CTPS2: variants seen among roughly 807,000 people sequenced by gnomAD.
CTPS2 encodes CTP synthase II.
CTPS2 carries 19 observed loss-of-function variants against 46.8 expected under a neutral mutation model. The observed-to-expected ratio is 0.41, with a 90% CI of 0.28 to 0.60. The LOEUF is 0.60. Among genes scored for constraint, CTPS2 ranks in the 20% least tolerant of loss-of-function variants. The pLI is 0.35. For missense variants in CTPS2, 286 were observed against 447.6 expected (o/e 0.64, Z 3.26); for synonymous variants, 151 against 165.2 (o/e 0.91, Z 0.66).
intron 2 of CTPS2, among the ~76,000 whole-genome samples, 160 bp from the exon 3 acceptor site, chrX:16,699,253 C>A (rs757352454): frequency 2.6e-4 from 29 of 111,163 alleles, no homozygotes; most frequent in Admixed American, 1.5e-3. Context: ...CAATTATATC[C>A]AAGAAAATGC....
rs762021540 is a variant in CTPS2, at chrX:16,631,879, T to C, written c.1393+7268A>G. On this transcript the variant is annotated intron_variant, in intron 14 of 18. Coordinates refer to ENST00000359276, the MANE Select transcript of CTPS2 (RefSeq NM_175859.3). Reference sequence around the variant, plus strand: ...CAGTTGAGAGCCACAAGCAAAACAATAAAGTTTATTTTTGGAGTCTTAAAA... The same window carrying C: ...CAGTTGAGAGCCACAAGCAAAACAACAAAGTTTATTTTTGGAGTCTTAAAA... Among the ~76,000 whole-genome samples the C allele has an allele frequency of 4.6e-4, 52 of 111,883 alleles. 1 individual carries two copies. Among genetic ancestry groups the C allele is most frequent in the African/African-American group, 1.6e-3 (48 of 30,839 alleles).
intron 14 of CTPS2, among the ~76,000 whole-genome samples, chrX:16,629,704 T>C (rs1457599027): frequency 8.9e-6 from 1 of 111,923 alleles, no homozygotes; most frequent in Non-Finnish European, 1.9e-5. Context: ...AAAAGCCATT[T>C]TTCTAGCCCC....
intron 10 of CTPS2, among the ~76,000 whole-genome samples, chrX:16,671,761 C>T (rs944826248): frequency 9.1e-6 from 1 of 110,435 alleles, no homozygotes; most frequent in African/African-American, 3.3e-5. Context: ...GCAATAAGAC[C>T]GCCTCAGCCT....
intron 13 of CTPS2, among the ~76,000 whole-genome samples, chrX:16,656,820 A>G (rs992241659): frequency 8.9e-6 from 1 of 112,099 alleles, no homozygotes; most frequent in African/African-American, 3.2e-5. Flanking sequence ...GCTGAAAATA[A>G]CTGCCTGCAA....
chrX:16,712,163 G>C lies in CTPS2; in HGVS notation c.-40+172C>G, dbSNP rs547609254. ...GTCTGCGAGCGCGGGGCTGGCGGCC[G>C]GACCCGACTCAGCGCTGGGCAGGGA... On this transcript the variant is annotated intron_variant, in intron 1 of 18. Transcript: ENST00000359276. The C allele has an allele frequency of 7.1e-5, 8 of 112,126 alleles. No individual in the cohort carries two copies. In the South Asian group the frequency reaches 2.5e-3, roughly 36 times the overall value. 9.2% of individuals were successfully genotyped at this position (112,126 alleles called of 1,213,427 possible). A position where few individuals can be genotyped will look rare whatever the true frequency, so the allele number is the denominator to read the frequency against.
At position 16,674,682 on chromosome X, in the gene CTPS2, C is replaced by CA. The variant is rs767364668; in HGVS notation, c.1094+3679dup. ...TGAAACCCCGTCTCTACTAAAAATA[C>CA]AAAAAATTAGCCGGGCGTGGTGGCA... On this transcript the variant is annotated intron_variant, in intron 10 of 18. Coordinates refer to ENST00000359276, the MANE Select transcript of CTPS2 (RefSeq NM_175859.3). Among the ~76,000 whole-genome samples the CA allele has an allele frequency of 4.8e-5, 5 of 104,917 alleles. No individual in the cohort carries two copies. In the South Asian group the frequency reaches 1.8e-3, roughly 38 times the overall value. 91.1% of individuals were successfully genotyped at this position (104,917 alleles called of 115,157 possible).
At chrX:16,611,111 G>A (rs1930234649) in intron 16 of CTPS2, among the ~76,000 whole-genome samples, 1 of 111,342 alleles carries the variant, frequency 9.0e-6, no homozygotes, top group African/African-American at 3.3e-5. Context: ...TGGGTGATGG[G>A]ATCCATACCC....
At chrX:16,680,872 C>A (rs1184681686) in intron 9 of CTPS2, among the ~76,000 whole-genome samples, 1 of 108,886 alleles carries the variant, frequency 9.2e-6, no homozygotes, top group African/African-American at 3.3e-5. Context: ...GGCAACATAG[C>A]GAGACCCCGT....
intron 14 of CTPS2, among the ~76,000 whole-genome samples, chrX:16,636,122 A>G (rs1030599136): frequency 8.0e-5 from 9 of 112,272 alleles, no homozygotes; most frequent in Middle Eastern, 4.6e-3. Context: ...GAGACAGACC[A>G]GGCATGGTGG....
At chrX:16,700,386 C>T (rs767550975) in intron 2 of CTPS2, among the ~76,000 whole-genome samples, 2 of 108,510 alleles carry the variant, frequency 1.8e-5, no homozygotes, top group South Asian at 8.1e-4. Context: ...CAAAATGCTG[C>T]GATTACAGGC....
rs746530969 is a variant in CTPS2 at position 16,709,691 on chromosome X, A to C, written c.-40+2644T>G. ...TGGTTAAACCTTGTCTCTACTAAAA[A>C]TACAAAAATTAGCCAGGCGTGGTGG... On this transcript the variant is annotated intron_variant, in intron 1 of 18. Transcript: ENST00000359276. Among the ~76,000 whole-genome samples the C allele has an allele frequency of 3.7e-5, 4 of 107,555 alleles. No homozygotes were observed. In the South Asian group the frequency reaches 1.6e-3, roughly 44 times the overall value. The allele number at this position is 107,555 out of a possible 115,157, so 93.4% of individuals were successfully genotyped here.
At chrX:16,642,295 G>A (rs982694150) in intron 13 of CTPS2, among the ~76,000 whole-genome samples, 4 of 111,828 alleles carry the variant, frequency 3.6e-5, no homozygotes, top group African/African-American at 1.3e-4. Context: ...ACATGCTAGC[G>A]TAGGAACCAG....
intron 13 of CTPS2, among the ~76,000 whole-genome samples, chrX:16,646,333 G>T (rs548276864): frequency 3.6e-5 from 4 of 112,425 alleles, no homozygotes; most frequent in African/African-American, 9.7e-5. Flanking sequence ...TCTACAGACT[G>T]GGGGGACCAA....
Position 16,638,894 on chromosome X carries a change from G to A in CTPS2, c.1393+253C>T, listed in dbSNP as rs747490582. The A allele has an allele frequency of 1.0e-5, 5 of 494,500 alleles. No homozygotes were observed. In the African/African-American group the frequency reaches 1.2e-4, roughly 11 times the overall value. 40.8% of individuals were successfully genotyped at this position (494,500 alleles called of 1,213,427 possible). On this transcript the variant is annotated intron_variant, in intron 14 of 18. Transcript: ENST00000359276. Reference sequence around the variant, plus strand: ...CACAAAACAGCCCAATGAACAGGGAGTCACGCAGATCAAATGCGGAGGGGC... The same window carrying A: ...CACAAAACAGCCCAATGAACAGGGAATCACGCAGATCAAATGCGGAGGGGC...
intron 15 of CTPS2, among the ~76,000 whole-genome samples, chrX:16,619,828 A>G (rs1438179418): frequency 1.8e-5 from 2 of 111,516 alleles, no homozygotes; most frequent in African/African-American, 6.5e-5. Context: ...AAATTTCCAA[A>G]GAGGTTCTCA....
Position 16,678,389 on chromosome X carries a change from T to C in CTPS2, c.1067A>G (p.Glu356Gly). ...TETEDPVKFH[E>G]AWQKLCKADG... ...AGCTTTGCATAGCTTCTGCCAAGCT[T>C]CATGAAATTTCACAGGGTCCTCGGT... The change falls in exon 10 of 19, where the codon GAA becomes GGA. Residue 356 changes from glutamate to glycine, a missense_variant. Glu to Gly is a moderately conservative substitution (Grantham distance 98, BLOSUM62 -2). Coordinates refer to ENST00000359276, the MANE Select transcript of CTPS2 (RefSeq NM_175859.3). 1 of 1,203,030 alleles carries C rather than the reference T, an allele frequency of 8.3e-7. No individual in the cohort carries two copies. Among genetic ancestry groups the C allele is most frequent in the Non-Finnish European group, 1.1e-6 (1 of 889,150 alleles).
chrX:16,623,792 C>CTTTTTTTTTTTT (rs60328217), intron 14 of CTPS2, among the ~76,000 whole-genome samples: 1 of 21,683 alleles, frequency 4.6e-5, no homozygotes, highest in Non-Finnish European at 7.6e-5. Flanking sequence ...CCCCTCAATT[C>CTTTTTTTTTTTT]TTTTTTTTTT....
At chrX:16,663,881 G>T (rs1184981399) in intron 13 of CTPS2, among the ~76,000 whole-genome samples, 2 of 110,505 alleles carry the variant, frequency 1.8e-5, no homozygotes, top group African/African-American at 6.6e-5. Flanking sequence ...TGTCACCCAG[G>T]CTGGAGTACA....
intron 17 of CTPS2, among the ~76,000 whole-genome samples, chrX:16,599,778 C>A (rs1457163720): frequency 9.4e-6 from 1 of 106,373 alleles, no homozygotes; most frequent in Non-Finnish European, 1.9e-5. Flanking sequence ...ACCCGGCACC[C>A]CCCCCCTTTT....
Sources: gnomAD v4.1 joint callset for allele counts (sites outside exome capture counted in the v4.1 genomes callset) on GRCh38, gnomAD v4.1.1 for gene constraint, MANE v1.5 for transcripts, NCBI Gene and HGNC (gene_info 2026-07-23, HGNC 2026-07-21) for gene names.